TANC2: variants seen among roughly 807,000 people sequenced by gnomAD.
TANC2 encodes the protein tetratricopeptide repeat, ankyrin repeat and coiled-coil containing 2, also known as protein TANC2.
In TANC2, 26 loss-of-function variants were observed where a neutral mutation model predicts 210.5. The ratio of observed to expected loss-of-function variants is 0.12; its 90% CI spans 0.09 to 0.17. The LOEUF (loss-of-function observed/expected upper bound fraction) is 0.17, where lower values mean the gene tolerates loss of function less well. Ranked by LOEUF, TANC2 falls within the 10% of genes least tolerant of loss-of-function variation. The probability of loss-of-function intolerance (pLI) is 1.00; values close to 1 mark genes in which losing one functional copy is unlikely to be tolerated. For missense variants in TANC2, 2,129 were observed against 2,608.9 expected, an observed-to-expected ratio of 0.82 and a Z score of 4.01; for synonymous variants, 931 against 967.1, an observed-to-expected ratio of 0.96 and a Z score of 0.69.
intron 2 of TANC2, among the ~76,000 whole-genome samples, chr17:63,067,904 C>T (rs976885040): frequency 1.3e-5 from 2 of 152,088 alleles, no homozygotes; most frequent in African/African-American, 4.8e-5. Context: ...ATTTGAAGAA[C>T]TTATAGCTGG....
At chr17:63,320,043 C>T (rs1360241864) in intron 11 of TANC2, among the ~76,000 whole-genome samples, 1 of 152,178 alleles carries the variant, frequency 6.6e-6, no homozygotes, top group Non-Finnish European at 1.5e-5. Context: ...CTACCACCAT[C>T]CCAATACAAT....
At chr17:62,977,677 A>G (rs2032085533) in intron 1 of TANC2, among the ~76,000 whole-genome samples, 1 of 151,970 alleles carries the variant, frequency 6.6e-6, no homozygotes, top group South Asian at 2.1e-4. Context: ...CCCATCCCCT[A>G]ACATTCTACC....
chr17:63,064,271 C>T (rs148991227), intron 2 of TANC2, among the ~76,000 whole-genome samples: 95 of 152,102 alleles, frequency 6.2e-4, no homozygotes, highest in African/African-American at 2.3e-3. Flanking sequence ...GCCTGAGCAA[C>T]ATAGTGAAAC....
chr17:63,395,755 G>C, exon 18 of TANC2: 1 of 1,613,320 alleles, frequency 6.2e-7, no homozygotes, highest in Non-Finnish European at 8.5e-7. Context: ...GGATCATTTG[G>C]ATAAGAACGG....
chr17:63,068,949 A>G (rs1163964334), intron 2 of TANC2, among the ~76,000 whole-genome samples: 1 of 152,156 alleles, frequency 6.6e-6, no homozygotes, highest in East Asian at 1.9e-4. Context: ...GATTTTACAT[A>G]TTAAGATATA....
rs142582836 is a variant in TANC2 at position 63,073,965 on chromosome 17, G to A, written c.90G>A (p.Pro30=). The A allele has an allele frequency of 5.3e-5, 84 of 1,588,958 alleles. No homozygotes were observed. Among genetic ancestry groups the A allele is most frequent in the Non-Finnish European group, 5.5e-5 (64 of 1,167,244 alleles). The change falls in exon 3 of 28, where the codon CCG becomes CCA. Residue 30 remains proline, a synonymous_variant. Coordinates refer to ENST00000689528, the Ensembl canonical transcript of TANC2. ...CAGATGGAGGGAGCGAGGAACCACC[G>A]GATCGAAGACAGTCAAGTGTAGACT...
At chr17:63,068,561 A>G (rs1271669059) in intron 2 of TANC2, among the ~76,000 whole-genome samples, 1 of 152,212 alleles carries the variant, frequency 6.6e-6, no homozygotes, top group Non-Finnish European at 1.5e-5. Context: ...CTAAATCTTC[A>G]TTAGTAAGAG....
chr17:63,029,052 GA>G (rs34751497), intron 2 of TANC2, among the ~76,000 whole-genome samples: 2 of 151,800 alleles, frequency 1.3e-5, no homozygotes, highest in African/African-American at 4.8e-5. Context: ...TTTAAACTTG[GA>G]AAAAAATACT....
intron 5 of TANC2, among the ~76,000 whole-genome samples, chr17:63,193,128 G>T (rs552055602): frequency 2.1e-4 from 32 of 152,162 alleles, no homozygotes; most frequent in African/African-American, 7.5e-4. Context: ...GCTTTCAATT[G>T]TTCTTGAGAA....
At chr17:63,106,038 C>T (rs1384481500) in intron 4 of TANC2, among the ~76,000 whole-genome samples, 1 of 151,514 alleles carries the variant, frequency 6.6e-6, no homozygotes, top group Non-Finnish European at 1.5e-5. Flanking sequence ...AGATCTGGAC[C>T]TCATTCAGGG....
intron 1 of TANC2, among the ~76,000 whole-genome samples, chr17:62,976,372 G>C (rs1245633717): frequency 1.3e-5 from 2 of 151,462 alleles, no homozygotes; most frequent in Non-Finnish European, 2.9e-5. Flanking sequence ...AGTGCCTCAG[G>C]TTGACAGCTT....
intron 1 of TANC2, among the ~76,000 whole-genome samples, chr17:62,975,050 C>T (rs549472989): frequency 2.6e-5 from 4 of 152,072 alleles, no homozygotes; most frequent in Non-Finnish European, 5.9e-5. Flanking sequence ...TTTTTTACTG[C>T]CATGGAAATC....
intron 5 of TANC2, among the ~76,000 whole-genome samples, chr17:63,157,511 C>T (rs2039879760): frequency 6.6e-6 from 1 of 152,070 alleles, no homozygotes; most frequent in South Asian, 2.1e-4. Flanking sequence ...GAGTAAAATG[C>T]CAGTGGTTTA....
chr17:63,237,766 CTGTA>C (rs2042661400), intron 7 of TANC2, 44 bp from the exon 8 acceptor site: 1 of 1,472,194 alleles, frequency 6.8e-7, no homozygotes, highest in South Asian at 1.4e-5. Flanking sequence ...AGATTAATAA[CTGTA>C]TGTATGTGGC....
chr17:63,365,480 C>G (rs2047083325), intron 14 of TANC2, among the ~76,000 whole-genome samples: 1 of 152,216 alleles, frequency 6.6e-6, no homozygotes, highest in South Asian at 2.1e-4. Flanking sequence ...TCTCCACCAG[C>G]AGCCAGAGCA....
chr17:63,386,069 G>T (rs1449558283), intron 15 of TANC2, among the ~76,000 whole-genome samples: 2 of 152,178 alleles, frequency 1.3e-5, no homozygotes, highest in African/African-American at 4.8e-5. Context: ...ATAAAGCCAT[G>T]TCAAAATGTC....
chr17:63,120,999 TAAAC>T (rs2038453767), intron 4 of TANC2, among the ~76,000 whole-genome samples: 1 of 152,044 alleles, frequency 6.6e-6, no homozygotes, highest in Non-Finnish European at 1.5e-5. Flanking sequence ...AACTGAAACT[TAAAC>T]ATGTTGTCCT....
intron 1 of TANC2, among the ~76,000 whole-genome samples, chr17:63,003,021 G>A (rs1256727229): frequency 2.6e-5 from 4 of 152,104 alleles, no homozygotes; most frequent in Non-Finnish European, 5.9e-5. Context: ...TGTACAGTAA[G>A]TTTCATAATA....
intron 3 of TANC2, among the ~76,000 whole-genome samples, chr17:63,098,473 C>CACACAT (rs2037483416): frequency 2.7e-5 from 1 of 36,886 alleles, no homozygotes; most frequent in Admixed American, 2.2e-4. Context: ...CACACACACA[C>CACACAT]ACACACATAC....
Sources: allele counts gnomAD v4.1 joint callset (sites outside exome capture counted in the v4.1 genomes callset), GRCh38; gene constraint gnomAD v4.1.1; transcripts MANE v1.5; gene names NCBI Gene and HGNC (gene_info 2026-07-23, HGNC 2026-07-21).